The following CAMKMT variants were observed in gnomAD, a reference collection of about 807,000 sequenced individuals.
CAMKMT encodes the protein CaM KMT.
Under a neutral mutation model 48.0 loss-of-function variants are expected in CAMKMT, and 53 were observed. That is an observed-to-expected ratio of 1.10 (90% confidence interval 0.89 to 1.39). CAMKMT has a LOEUF of 1.39. CAMKMT is among the 40% of genes most tolerant of loss of function. The pLI is 0.00. For missense variants in CAMKMT, 428 were observed against 402.7 expected (o/e 1.06, Z -0.54); for synonymous variants, 165 against 152.3 (o/e 1.08, Z -0.61).
chr2:44,731,733 T>C (rs1679088104), intron 7 of CAMKMT, among the ~76,000 whole-genome samples: 1 of 152,128 alleles, frequency 6.6e-6, no homozygotes, highest in South Asian at 2.1e-4. Context: ...TATAATGTGG[T>C]TTCATTTACT....
intron 7 of CAMKMT, among the ~76,000 whole-genome samples, chr2:44,729,243 A>C (rs1678957803): frequency 6.6e-6 from 1 of 152,220 alleles, no homozygotes; most frequent in Admixed American, 6.5e-5. Flanking sequence ...GTTAGAAATA[A>C]AAGTTCAGAT....
chr2:44,369,035 G>A (rs897426214), intron 1 of CAMKMT, among the ~76,000 whole-genome samples: 15 of 151,968 alleles, frequency 9.9e-5, no homozygotes, highest in African/African-American at 3.4e-4. Context: ...ACAGGTGCAT[G>A]CCATGCACCA....
At chr2:44,607,159 C>T (rs148618394) in intron 3 of CAMKMT, among the ~76,000 whole-genome samples, 51 of 152,348 alleles carry the variant, frequency 3.3e-4, no homozygotes, top group African/African-American at 1.2e-3. Context: ...ACAGGGCAGG[C>T]TCATCTGTCA....
chr2:44,491,696 T>C (rs1341801270), intron 3 of CAMKMT, among the ~76,000 whole-genome samples: 4 of 152,182 alleles, frequency 2.6e-5, no homozygotes, highest in African/African-American at 9.7e-5. Flanking sequence ...TGACCTTTTT[T>C]TGATTTTCTT....
At chr2:44,605,830 C>G (rs1280368847) in intron 3 of CAMKMT, among the ~76,000 whole-genome samples, 1 of 151,920 alleles carries the variant, frequency 6.6e-6, no homozygotes, top group Non-Finnish European at 1.5e-5. Context: ...GTAGAGATTC[C>G]TAAGAAATTA....
At chr2:44,366,133 C>T (rs1403517663) in intron 1 of CAMKMT, among the ~76,000 whole-genome samples, 1 of 152,148 alleles carries the variant, frequency 6.6e-6, no homozygotes, top group East Asian at 1.9e-4. Context: ...TTTAGGGTAA[C>T]GTTAACTCCC....
At chr2:44,438,911 A>G (rs1031106362) in intron 3 of CAMKMT, among the ~76,000 whole-genome samples, 2 of 152,086 alleles carry the variant, frequency 1.3e-5, no homozygotes, top group Non-Finnish European at 2.9e-5. Context: ...GAAAATGGAC[A>G]CGGCATCCCC....
At chr2:44,528,724 T>G (rs758187876) in intron 3 of CAMKMT, among the ~76,000 whole-genome samples, 4 of 152,174 alleles carry the variant, frequency 2.6e-5, no homozygotes, top group Non-Finnish European at 5.9e-5. Context: ...CTCCCTTGCT[T>G]CTTCTTTGTT....
chr2:44,518,642 T>C (rs1357271694), intron 3 of CAMKMT, among the ~76,000 whole-genome samples: 1 of 152,192 alleles, frequency 6.6e-6, no homozygotes, highest in Non-Finnish European at 1.5e-5. Context: ...ACCGAAGATA[T>C]GTGGAAAAGC....
intron 3 of CAMKMT, among the ~76,000 whole-genome samples, chr2:44,447,502 C>A (rs1295319966): frequency 6.6e-6 from 1 of 152,190 alleles, no homozygotes; most frequent in African/African-American, 2.4e-5. Context: ...AGCCCATCCC[C>A]CCCAACCTCA....
chr2:44,614,646 G>T (rs80188570), intron 3 of CAMKMT, among the ~76,000 whole-genome samples: 2,135 of 152,250 alleles, frequency 0.014, 45 homozygotes, highest in African/African-American at 0.049. Context: ...GGAGTTGAGA[G>T]AAATGAGTTG....
chr2:44,683,122 T>C (rs1161100960), intron 3 of CAMKMT, among the ~76,000 whole-genome samples: 1 of 152,056 alleles, frequency 6.6e-6, no homozygotes, highest in Non-Finnish European at 1.5e-5. Flanking sequence ...AAGCTGCAGC[T>C]GAATGTATCT....
chr2:44,366,479 G>C (rs981144070), intron 1 of CAMKMT, among the ~76,000 whole-genome samples: 8 of 152,012 alleles, frequency 5.3e-5, no homozygotes, highest in Non-Finnish European at 1.2e-4. Context: ...ATGTTATCTT[G>C]TTGTATTGTT....
chr2:44,492,904 C>A (rs698821), intron 3 of CAMKMT, among the ~76,000 whole-genome samples: 1,554 of 102,882 alleles, frequency 0.015, 6 homozygotes, highest in Admixed American at 0.023. Flanking sequence ...TTTTTTTTTT[C>A]TTTTTTTGAG....
At chr2:44,628,641 C>T (rs1179182181) in intron 3 of CAMKMT, among the ~76,000 whole-genome samples, 1 of 151,224 alleles carries the variant, frequency 6.6e-6, no homozygotes, top group South Asian at 2.1e-4. Flanking sequence ...TCAGTCAAAT[C>T]TTTTTTCTTA....
intron 3 of CAMKMT, among the ~76,000 whole-genome samples, chr2:44,633,090 C>T (rs1672929436): frequency 6.6e-6 from 1 of 152,052 alleles, no homozygotes; most frequent in Non-Finnish European, 1.5e-5. Flanking sequence ...TTCTTTAATA[C>T]TTGAAAATTT....
At chr2:44,484,217 C>G (rs984842146) in intron 3 of CAMKMT, among the ~76,000 whole-genome samples, 1 of 149,904 alleles carries the variant, frequency 6.7e-6, no homozygotes, top group Non-Finnish European at 1.5e-5. Context: ...TTGGTAGAAA[C>G]TGACAAACGA....
At chr2:44,458,827 C>T (rs112709119) in intron 3 of CAMKMT, among the ~76,000 whole-genome samples, 8 of 151,926 alleles carry the variant, frequency 5.3e-5, no homozygotes, top group African/African-American at 1.7e-4. Flanking sequence ...TTTTTTTCTT[C>T]TTCCTCTTCT....
At chr2:44,601,756 GATTTAA>G (rs1195825482) in intron 3 of CAMKMT, among the ~76,000 whole-genome samples, 1 of 151,554 alleles carries the variant, frequency 6.6e-6, no homozygotes, top group Non-Finnish European at 1.5e-5. Context: ...AAAACCAGAA[GATTTAA>G]ACTTAATATT....
Sources: gnomAD v4.1 joint callset for allele counts (sites outside exome capture counted in the v4.1 genomes callset) on GRCh38, gnomAD v4.1.1 for gene constraint, MANE v1.5 for transcripts, NCBI Gene and HGNC (gene_info 2026-07-23, HGNC 2026-07-21) for gene names.